Variants in GPD2 observed in about 807,000 individuals in gnomAD.
GPD2 encodes the protein glycerol-3-phosphate dehydrogenase 2, also known as glycerol-3-phosphate dehydrogenase, mitochondrial.
GPD2 carries 54 observed loss-of-function variants against 82.4 expected under a neutral mutation model. The ratio of observed to expected loss-of-function variants is 0.66; its 90% confidence interval spans 0.53 to 0.82. GPD2 has a LOEUF of 0.82. Ranked by LOEUF, GPD2 falls within the 40% of genes least tolerant of loss-of-function variation. GPD2 has a pLI of 0.00. For missense variants in GPD2, 748 were observed against 896.2 expected (o/e 0.83, Z 2.11); for synonymous variants, 288 against 306.1 (o/e 0.94, Z 0.62).
At chr2:156,559,622 C>T (rs1687094089) in intron 9 of GPD2, among the ~76,000 whole-genome samples, 1 of 152,032 alleles carries the variant, frequency 6.6e-6, no homozygotes, top group South Asian at 2.1e-4. Context: ...ATTGACTAAT[C>T]CATATTGTAT....
At chr2:156,576,891 T>G (rs1039151760) in intron 13 of GPD2, among the ~76,000 whole-genome samples, 6 of 152,144 alleles carry the variant, frequency 3.9e-5, no homozygotes, top group African/African-American at 1.4e-4. Flanking sequence ...AATGGCTAGG[T>G]AAAAGTGGTG....
At chr2:156,400,789 G>T in the GPD2 span, among the ~76,000 whole-genome samples, 2 of 152,242 alleles carry the variant, frequency 1.3e-5, no homozygotes, top group Non-Finnish European at 2.9e-5. Context: ...CTCAGTGGTA[G>T]AGCGCGCGCT....
chr2:156,549,832 C>T lies in GPD2; in HGVS notation c.826+60C>T. The T allele has an allele frequency of 2.5e-6, 3 of 1,207,056 alleles. No homozygotes were observed. In the South Asian group the frequency reaches 3.8e-5, roughly 15 times the overall value. 74.8% of individuals were successfully genotyped at this position (1,207,056 alleles called of 1,614,324 possible). On this transcript the variant is annotated intron_variant, in intron 7 of 16. Coordinates refer to ENST00000438166, the MANE Select transcript of GPD2 (RefSeq NM_000408.5). ...GTATCTTGCCTAGCTTATATAATGA[C>T]TGAATTATAATTTTTCTGTCACTTC...
At chr2:156,423,870 G>A in the GPD2 span, among the ~76,000 whole-genome samples, 1 of 152,152 alleles carries the variant, frequency 6.6e-6, no homozygotes, top group Non-Finnish European at 1.5e-5. Context: ...AAGAGCAGTA[G>A]CCAGTAAGTG....
chr2:156,484,385 C>T (rs1683856379), intron 2 of GPD2, among the ~76,000 whole-genome samples: 2 of 152,172 alleles, frequency 1.3e-5, no homozygotes, highest in Non-Finnish European at 2.9e-5. Flanking sequence ...GATCCGCCCG[C>T]CTCGGCCTCC....
chr2:156,440,479 T>A (rs545148124), intron 1 of GPD2, among the ~76,000 whole-genome samples: 1 of 152,352 alleles, frequency 6.6e-6, no homozygotes, highest in Admixed American at 6.5e-5. Flanking sequence ...CTGATGTGAA[T>A]GTGACCATGT....
chr2:156,496,972 T>C (rs1481689428), intron 3 of GPD2, among the ~76,000 whole-genome samples: 2 of 152,150 alleles, frequency 1.3e-5, no homozygotes, highest in African/African-American at 4.8e-5. Context: ...TGTCTATTAG[T>C]GGAAAGGCAT....
chr2:156,496,861 T>C (rs375625842), intron 3 of GPD2, among the ~76,000 whole-genome samples: 2 of 21,986 alleles, frequency 9.1e-5, no homozygotes, highest in African/African-American at 9.8e-5. Flanking sequence ...TCTCTTAAAA[T>C]CATCTCTTCA....
chr2:156,541,221 A>G (rs1251715131), intron 6 of GPD2, among the ~76,000 whole-genome samples: 2 of 152,230 alleles, frequency 1.3e-5, no homozygotes, highest in Admixed American at 6.5e-5. Flanking sequence ...ACTTAAGCAT[A>G]TACACCTGTG....
chr2:156,532,142 T>G (rs1160640419), intron 6 of GPD2, among the ~76,000 whole-genome samples: 2 of 152,100 alleles, frequency 1.3e-5, no homozygotes, highest in Non-Finnish European at 2.9e-5. Flanking sequence ...AGACTATCGT[T>G]GTGCACCAAC....
the GPD2 span, among the ~76,000 whole-genome samples, chr2:156,417,990 G>A: frequency 1.3e-5 from 2 of 152,154 alleles, no homozygotes; most frequent in African/African-American, 2.4e-5. Context: ...GCCGAGGTGG[G>A]CGGATCACGA....
intron 8 of GPD2, among the ~76,000 whole-genome samples, chr2:156,554,980 A>C (rs202176797): frequency 6.6e-6 from 1 of 152,250 alleles, no homozygotes; most frequent in East Asian, 1.9e-4. Flanking sequence ...ATGTCAAATG[A>C]ATCATATATA....
At chr2:156,404,287 G>T in the GPD2 span, among the ~76,000 whole-genome samples, 116 of 152,256 alleles carry the variant, frequency 7.6e-4, no homozygotes, top group African/African-American at 2.8e-3. Context: ...GGGAGACTAA[G>T]GTTGGAGGGT....
Position 156,584,760 on chromosome 2 carries a change from T to C in GPD2, c.*1842T>C, listed in dbSNP as rs1688155124. 1 of 152,498 alleles carries C rather than the reference T, an allele frequency of 6.6e-6. No individual in the cohort carries two copies. The highest frequency in any genetic ancestry group is 1.5e-5 in the Non-Finnish European group (1 of 67,964). The allele number at this position is 152,498 out of a possible 1,614,324, so 9.4% of individuals were successfully genotyped here. On this transcript the variant is annotated 3_prime_UTR_variant, in exon 17 of 17. Transcript: ENST00000438166. ...AACTTAGTGTTTTTTGCTATCCAGA[T>C]AACAAGTTTCATTGTTTAGAACCCA...
intron 2 of GPD2, among the ~76,000 whole-genome samples, chr2:156,478,222 A>G (rs1463744051): frequency 6.6e-6 from 1 of 152,166 alleles, no homozygotes; most frequent in Non-Finnish European, 1.5e-5. Flanking sequence ...ATAAAGACCT[A>G]TTGATTCCTG....
intron 6 of GPD2, among the ~76,000 whole-genome samples, chr2:156,514,202 C>G (rs917266371): frequency 3.3e-5 from 5 of 151,480 alleles, no homozygotes; most frequent in African/African-American, 1.2e-4. Flanking sequence ...AATGTATCTC[C>G]AGATGGTCCA....
At chr2:156,491,789 G>A (rs1314288083) in intron 2 of GPD2, among the ~76,000 whole-genome samples, 4 of 152,002 alleles carry the variant, frequency 2.6e-5, no homozygotes, top group African/African-American at 7.2e-5. Flanking sequence ...TTGGGAGCCC[G>A]AGGCTGGTGG....
chr2:156,414,182 G>T, the GPD2 span, among the ~76,000 whole-genome samples: 1 of 151,996 alleles, frequency 6.6e-6, no homozygotes, highest in African/African-American at 2.4e-5. Flanking sequence ...TTAAAAATTG[G>T]AATATAAATA....
chr2:156,460,186 T>C (rs1311517048), intron 1 of GPD2, among the ~76,000 whole-genome samples: 1 of 152,224 alleles, frequency 6.6e-6, no homozygotes, highest in Non-Finnish European at 1.5e-5. Context: ...TGAGTATAAA[T>C]TGCTAATGTA....
Sources: allele counts gnomAD v4.1 joint callset (sites outside exome capture counted in the v4.1 genomes callset), GRCh38; gene constraint gnomAD v4.1.1; transcripts MANE v1.5; gene names NCBI Gene and HGNC (gene_info 2026-07-23, HGNC 2026-07-21).